TTC29: variants seen among roughly 807,000 people sequenced by gnomAD.
The protein encoded by TTC29 is tetratricopeptide repeat domain 29.
TTC29 carries 49 observed loss-of-function variants against 58.1 expected under a neutral mutation model. The ratio of observed to expected loss-of-function variants is 0.84; its 90% CI spans 0.67 to 1.07. The LOEUF (loss-of-function observed/expected upper bound fraction) is 1.07, where lower values mean the gene tolerates loss of function less well. Among genes scored for constraint, TTC29 ranks in the 50% least tolerant of loss-of-function variants. The pLI, the probability that TTC29 is intolerant of heterozygous loss-of-function variation, is 0.00. For missense variants in TTC29, 582 were observed against 555.6 expected (o/e 1.05, Z -0.48); for synonymous variants, 209 against 196.8 (o/e 1.06, Z -0.52).
Position 146,940,543 on chromosome 4 carries a change from A to AT in TTC29, c.-6-643dup, listed in dbSNP as rs1297273088. On this transcript the variant is annotated intron_variant, in intron 2 of 12. Transcript: ENST00000325106. The stretch of plus-strand genomic sequence containing the variant: ...TAAGGACAGGGTATCATAGGCATGG[A>AT]TTTTTTCTCCTCCATGATGATGGGA... Among the ~76,000 whole-genome samples the AT allele has an allele frequency of 4.6e-5, 7 of 152,258 alleles. No homozygotes were observed. The East Asian group carries it at 7.7e-4, about 17-fold the overall frequency.
chr4:146,914,180 G>A (rs959065145), intron 4 of TTC29, among the ~76,000 whole-genome samples: 3 of 151,538 alleles, frequency 2.0e-5, no homozygotes, highest in Non-Finnish European at 4.4e-5. Context: ...AAAATAAATC[G>A]GCTATCTAAA....
rs1441953690 is a variant in TTC29 at position 146,707,040 on chromosome 4, G to T, written c.*118C>A. Reference sequence around the variant, plus strand: ...TGAAATGCAAAATCCAATGAAAAGAGTCATAGTCCGTTTTATTATAACTCT... The same window carrying T: ...TGAAATGCAAAATCCAATGAAAAGATTCATAGTCCGTTTTATTATAACTCT... On this transcript the variant is annotated 3_prime_UTR_variant, in exon 13 of 13. Transcript: ENST00000325106. The T allele has an allele frequency of 1.5e-6, 1 of 668,122 alleles. No individual in the cohort carries two copies. The allele number at this position is 668,122 out of a possible 1,614,324, so 41.4% of individuals were successfully genotyped here.
intron 4 of TTC29, among the ~76,000 whole-genome samples, chr4:146,933,805 C>G (rs768648526): frequency 6.6e-6 from 1 of 152,168 alleles, no homozygotes; most frequent in African/African-American, 2.4e-5. Flanking sequence ...AAGCCTTTTG[C>G]CTTTGAACGA....
chr4:146,916,640 T>C (rs986014419), intron 4 of TTC29, among the ~76,000 whole-genome samples: 2 of 151,578 alleles, frequency 1.3e-5, no homozygotes, highest in Admixed American at 1.3e-4. Context: ...TTACATGATT[T>C]CCAATGAGTT....
At chr4:146,880,614 T>C (rs1256518178) in intron 6 of TTC29, among the ~76,000 whole-genome samples, 1 of 152,176 alleles carries the variant, frequency 6.6e-6, no homozygotes, top group African/African-American at 2.4e-5. Context: ...TCACAGCAGA[T>C]GTCTAGAACA....
rs567135640 is a variant in TTC29, at chr4:146,712,022, A to C, written c.1331-4471T>G. ...ATCCCTTCCAATAAATAAATAAATA[A>C]ATAAATACATAAATAAATAGAATAT... On this transcript the variant is annotated intron_variant, in intron 11 of 12. Coordinates refer to ENST00000325106, the MANE Select transcript of TTC29 (RefSeq NM_031956.4). Among the ~76,000 whole-genome samples, 13 of 152,106 alleles carry C rather than the reference A, an allele frequency of 8.5e-5. No individual in the cohort carries two copies. The South Asian group carries it at 1.7e-3, about 19-fold the overall frequency.
intron 11 of TTC29, among the ~76,000 whole-genome samples, chr4:146,727,614 C>T (rs891973830): frequency 1.3e-5 from 2 of 152,128 alleles, no homozygotes; most frequent in African/African-American, 2.4e-5. Flanking sequence ...TTCAGACTGG[C>T]TTCTTTCACT....
At chr4:146,931,022 A>G (rs1174117026) in intron 4 of TTC29, among the ~76,000 whole-genome samples, 7 of 152,286 alleles carry the variant, frequency 4.6e-5, no homozygotes, top group Admixed American at 3.9e-4. Context: ...ACATTTCTGA[A>G]AAGTTTTTAT....
chr4:146,721,932 C>G (rs549004689), intron 11 of TTC29, among the ~76,000 whole-genome samples: 1 of 152,242 alleles, frequency 6.6e-6, no homozygotes, highest in South Asian at 2.1e-4. Flanking sequence ...TGCCAAAAGG[C>G]TCCTGGAACT....
intron 11 of TTC29, among the ~76,000 whole-genome samples, chr4:146,717,275 T>C (rs557550219): frequency 6.6e-6 from 1 of 152,226 alleles, no homozygotes; most frequent in East Asian, 1.9e-4. Context: ...ATGGTTATTA[T>C]TATTAGTAGT....
chr4:146,769,887 G>A (rs1197303563), intron 11 of TTC29, among the ~76,000 whole-genome samples: 1 of 151,966 alleles, frequency 6.6e-6, no homozygotes, highest in Non-Finnish European at 1.5e-5. Context: ...GCTAAGCAAT[G>A]GTGCTTTAAA....
chr4:146,862,630 G>T (rs1482416338), intron 8 of TTC29, among the ~76,000 whole-genome samples: 10 of 152,184 alleles, frequency 6.6e-5, no homozygotes, highest in Admixed American at 6.5e-4. Context: ...CAAGTCTACA[G>T]TTCTGGGTGT....
chr4:146,915,883 A>C (rs1509327), intron 4 of TTC29, among the ~76,000 whole-genome samples: 42,385 of 151,732 alleles, frequency 0.28, 6,434 homozygotes, highest in South Asian at 0.41. Flanking sequence ...AAGATCATAA[A>C]ATTTTCATTT....
chr4:146,851,730 G>C (rs1164240122), intron 8 of TTC29, among the ~76,000 whole-genome samples: 1 of 152,084 alleles, frequency 6.6e-6, no homozygotes, highest in African/African-American at 2.4e-5. Flanking sequence ...TTCACTGTCA[G>C]AAAAACATCC....
At chr4:146,759,320 G>T (rs56775397) in intron 11 of TTC29, among the ~76,000 whole-genome samples, 7,340 of 152,018 alleles carry the variant, frequency 0.048, 610 homozygotes, top group African/African-American at 0.17. Context: ...CAAGCAGTGA[G>T]ATTGAAATGG....
chr4:146,724,571 A>T lies in TTC29; in HGVS notation c.1331-17020T>A, dbSNP rs1743627531. ...TTTTGAGACAGAGTCTCACTCTGTC[A>T]TGGCACAAGTTGGCTCACTGCAACC... On this transcript the variant is annotated intron_variant, in intron 11 of 12. Transcript: ENST00000325106. Among the ~76,000 whole-genome samples the T allele has an allele frequency of 2.0e-5, 3 of 151,800 alleles. No homozygotes were observed. In the South Asian group the frequency reaches 6.2e-4, roughly 32 times the overall value.
In TTC29 at chr4:146,909,039, G is replaced by C. The variant is rs768533511; in HGVS notation, c.387C>G (p.Asp129Glu). ...YLYHYLTRAE[D>E]AERKESFEDV... ...CCCACCACTTACCTTTCCTCTCAGC[G>C]TCCTCAGCCCTGGTCAGGTAATGGT... Residue 129 changes from aspartate (D) to glutamate (E), a missense_variant, in exon 5 of 13, where the codon GAC (aspartate) becomes GAG (glutamate). Coordinates refer to ENST00000325106, the MANE Select transcript of TTC29 (RefSeq NM_031956.4). 8.1e-6 allele frequency: 13 copies of C among 1,613,578 alleles called. No individual in the cohort carries two copies. In the South Asian group the frequency reaches 1.4e-4, roughly 18 times the overall value.
At chr4:146,941,751 T>C (rs773421428) in intron 2 of TTC29, among the ~76,000 whole-genome samples, 10 of 152,176 alleles carry the variant, frequency 6.6e-5, no homozygotes, top group Non-Finnish European at 1.2e-4. Context: ...GAGCATAGAA[T>C]TGACACGATC....
At chr4:146,719,083 A>G (rs1347237364) in intron 11 of TTC29, among the ~76,000 whole-genome samples, 1 of 151,970 alleles carries the variant, frequency 6.6e-6, no homozygotes, top group Non-Finnish European at 1.5e-5. Context: ...ATTTTTTGCC[A>G]GTATCACACT....
Sources: allele counts gnomAD v4.1 joint callset (sites outside exome capture counted in the v4.1 genomes callset), GRCh38; gene constraint gnomAD v4.1.1; transcripts MANE v1.5; gene names NCBI Gene and HGNC (gene_info 2026-07-23, HGNC 2026-07-21).